RPS6KL1: variants seen among roughly 807,000 people sequenced by gnomAD.
RPS6KL1 encodes the protein ribosomal protein S6 kinase-like 1.
Under a neutral mutation model 57.0 loss-of-function variants are expected in RPS6KL1, and 41 were observed. The observed-to-expected ratio is 0.72, with a 90% CI of 0.56 to 0.93. RPS6KL1 has a LOEUF of 0.93. Among genes scored for constraint, RPS6KL1 ranks in the 40% least tolerant of loss-of-function variants. RPS6KL1 has a pLI of 0.00. For synonymous variants in RPS6KL1, 287 were observed against 309.7 expected (o/e 0.93, Z 0.77); for missense variants, 697 against 727.7 (o/e 0.96, Z 0.49).
At chr14:74,918,175 G>A (rs1887181380) in intron 5 of RPS6KL1, among the ~76,000 whole-genome samples, 1 of 151,958 alleles carries the variant, frequency 6.6e-6, no homozygotes, top group South Asian at 2.1e-4. Context: ...TCTAACTCCT[G>A]GGCTCAAGCA....
At chr14:74,916,472 C>T (rs949942693) in intron 5 of RPS6KL1, among the ~76,000 whole-genome samples, 1 of 152,186 alleles carries the variant, frequency 6.6e-6, no homozygotes, top group Non-Finnish European at 1.5e-5. Context: ...TGGAGGATCA[C>T]CTGAGGCAAG....
At position 74,921,261 on chromosome 14, in the gene RPS6KL1, CA is replaced by C; in HGVS notation, c.265+15del. The stretch of plus-strand genomic sequence containing the variant: ...CTTCCCCACCCACCCCAGCCCTGCC[CA>C]GCCCCGGTCCTCACCGTGTATGCCA... On this transcript the variant is annotated intron_variant, in intron 3 of 11. Coordinates refer to ENST00000557413, the MANE Select transcript of RPS6KL1 (RefSeq NM_031464.5). The C allele has an allele frequency of 6.6e-7, 1 of 1,517,194 alleles. No individual in the cohort carries two copies. The highest frequency in any genetic ancestry group is 9.1e-7 in the Non-Finnish European group (1 of 1,097,274). The allele number at this position is 1,517,194 out of a possible 1,614,324, so 94.0% of individuals were successfully genotyped here. A position where few individuals can be genotyped will look rare whatever the true frequency, so the allele number is the denominator to read the frequency against.
In RPS6KL1 at chr14:74,919,953, C is replaced by T. The variant is rs1322724597; in HGVS notation, c.282G>A (p.Glu94=). ...LRGIHVDPNK[E]RREAVKLKIT... ...TTTTCAGCTTCACAGCCTCACGTCG[C>T]TCCTTGTTGGGGTCAACTGTGGGAG... is the stretch of plus-strand genomic sequence containing the variant. Residue 94 remains glutamate, a synonymous_variant, in exon 4 of 12, where the codon GAG becomes GAA. Transcript: ENST00000557413. 6.2e-7 allele frequency: 1 copy of T among 1,614,204 alleles called. No homozygotes were observed. The highest frequency in any genetic ancestry group is 1.1e-5 in the South Asian group (1 of 91,092).
Position 74,908,847 on chromosome 14 carries a change from C to T in RPS6KL1, c.1443+3G>A. On this transcript the variant is annotated splice_donor_region_variant and intron_variant, in intron 10 of 11. Transcript: ENST00000557413. ...GGGCACTACACCCAGCCCAGCCACT[C>T]ACCATTCCCGTCAGCAGTTCATACA... is the stretch of plus-strand genomic sequence containing the variant. 1.2e-6 allele frequency: 2 copies of T among 1,613,990 alleles called. No individual in the cohort carries two copies. Among genetic ancestry groups the T allele is most frequent in the South Asian group, 2.2e-5 (2 of 91,076 alleles).
At chr14:74,908,511 A>G (rs932341185) in intron 10 of RPS6KL1, among the ~76,000 whole-genome samples, 1 of 152,090 alleles carries the variant, frequency 6.6e-6, no homozygotes, top group Non-Finnish European at 1.5e-5. Flanking sequence ...GGGTGGGAGG[A>G]GTGAACAGCG....
Position 74,922,300 on chromosome 14 carries a change from T to G in RPS6KL1, c.-343A>C. On this transcript the variant is annotated 5_prime_UTR_variant, in exon 2 of 12. Coordinates refer to ENST00000557413, the MANE Select transcript of RPS6KL1 (RefSeq NM_031464.5). The stretch of plus-strand genomic sequence containing the variant: ...CTCATGCTGTTCCCTCCACCCTGCC[T>G]GTTGTCTCCTCCCTGCTCCTCCTGT... The G allele has an allele frequency of 1.0e-6, 1 of 986,328 alleles. No individual in the cohort carries two copies. The highest frequency in any genetic ancestry group is 1.2e-6 in the Non-Finnish European group (1 of 830,562). The allele number at this position is 986,328 out of a possible 1,614,324, so 61.1% of individuals were successfully genotyped here. A position where few individuals can be genotyped will look rare whatever the true frequency, so the allele number is the denominator to read the frequency against.
At chr14:74,921,623 A>C in intron 2 of RPS6KL1, 62 bp from the exon 3 acceptor site, 1 of 1,515,266 alleles carries the variant, frequency 6.6e-7, no homozygotes, top group East Asian at 2.4e-5. Context: ...TCCGCACCCC[A>C]GTTTCCTCCA....
chr14:74,921,271 C>A lies in RPS6KL1; in HGVS notation c.265+6G>T. 1 of 1,253,216 alleles carries A rather than the reference C, an allele frequency of 8.0e-7. No homozygotes were observed. 77.6% of individuals were successfully genotyped at this position (1,253,216 alleles called of 1,614,324 possible). ...CACCCCAGCCCTGCCCAGCCCCGGT[C>A]CTCACCGTGTATGCCACGGAGCAGC... On this transcript the variant is annotated splice_donor_region_variant and intron_variant, in intron 3 of 11. Coordinates refer to ENST00000557413, the MANE Select transcript of RPS6KL1 (RefSeq NM_031464.5).
intron 5 of RPS6KL1, among the ~76,000 whole-genome samples, chr14:74,912,100 C>T: frequency 6.6e-6 from 1 of 152,182 alleles, no homozygotes; most frequent in East Asian, 1.9e-4. Context: ...CCCTAATCTG[C>T]CTCCAATGCT....
intron 2 of RPS6KL1, 155 bp downstream of exon 2, chr14:74,921,823 G>A: frequency 9.8e-7 from 1 of 1,025,038 alleles, no homozygotes; most frequent in Non-Finnish European, 1.3e-6. Flanking sequence ...TGTCACCCAG[G>A]CTGGATTGCA....
chr14:74,909,592 C>G lies in RPS6KL1; in HGVS notation c.1221G>C (p.Gly407=). Residue 407 remains glycine, a synonymous_variant, in exon 8 of 12, where the codon GGG becomes GGC. Coordinates refer to ENST00000557413, the MANE Select transcript of RPS6KL1 (RefSeq NM_031464.5). Reference sequence around the variant, plus strand: ...CGGGGTGGAGGTCCCGGCACAGCACCCCCTGCTCGTGCAGCGCCTCCAGCG... The same window carrying G: ...CGGGGTGGAGGTCCCGGCACAGCACGCCCTGCTCGTGCAGCGCCTCCAGCG... ...LVALEALHEQ[G]VLCRDLHPGN... 1.2e-6 allele frequency: 2 copies of G among 1,612,410 alleles called. No homozygotes were observed. The highest frequency in any genetic ancestry group is 1.7e-6 in the Non-Finnish European group (2 of 1,179,822).
intron 5 of RPS6KL1, among the ~76,000 whole-genome samples, chr14:74,917,281 A>G (rs1026892609): frequency 2.0e-5 from 3 of 152,202 alleles, no homozygotes; most frequent in African/African-American, 7.2e-5. Context: ...GAGAATTCTC[A>G]TCTCACTTTC....
At position 74,906,860 on chromosome 14, in the gene RPS6KL1, T is replaced by C; in HGVS notation, c.*154A>G. 1 of 780,584 alleles carries C rather than the reference T, an allele frequency of 1.3e-6. No homozygotes were observed. The highest frequency in any genetic ancestry group is 1.4e-5 in the South Asian group (1 of 73,642). The allele number at this position is 780,584 out of a possible 1,614,324, so 48.4% of individuals were successfully genotyped here. A position where few individuals can be genotyped will look rare whatever the true frequency, so the allele number is the denominator to read the frequency against. ...GCCCTTCCTGGGTGGTGGCCATAAT[T>C]CTGAGGCCCCAGTGGGAGCCCAGCA... On this transcript the variant is annotated 3_prime_UTR_variant, in exon 12 of 12. Coordinates refer to ENST00000557413, the MANE Select transcript of RPS6KL1 (RefSeq NM_031464.5).
intron 5 of RPS6KL1, among the ~76,000 whole-genome samples, chr14:74,915,994 C>T (rs1265634742): frequency 6.6e-6 from 1 of 152,208 alleles, no homozygotes; most frequent in African/African-American, 2.4e-5. Context: ...ATTCTGGCTG[C>T]TTGCCAAGTC....
Position 74,909,616 on chromosome 14 carries a change from C to A in RPS6KL1, c.1197G>T (p.Ala399=). 6.2e-7 allele frequency: 1 copy of A among 1,612,254 alleles called. No individual in the cohort carries two copies. The highest frequency in any genetic ancestry group is 1.1e-5 in the South Asian group (1 of 91,076). Residue 399 remains alanine, a synonymous_variant, in exon 8 of 12, where the codon GCG becomes GCT. Transcript: ENST00000557413. ...CCCCCTGCTCGTGCAGCGCCTCCAG[C>A]GCTACCAGCATCTCTGCCGCCCACT... The part of the protein sequence containing the change: ...VKQWAAEMLV[A]LEALHEQGVL...
intron 5 of RPS6KL1, among the ~76,000 whole-genome samples, chr14:74,914,029 G>A (rs561503101): frequency 4.6e-5 from 7 of 152,372 alleles, no homozygotes; most frequent in Admixed American, 4.6e-4. Context: ...AGACTTTACT[G>A]GAACTGGGGG....
intron 3 of RPS6KL1, 39 bp downstream of exon 3, chr14:74,921,238 T>TTCCCCCCCCCCCCCCCC: frequency 3.3e-5 from 28 of 840,114 alleles, no homozygotes; most frequent in East Asian, 5.3e-5. Context: ...CACTGGCCCT[T>TTCCCCCCCCCCCCCCCC]CCCCACCCAC....
Position 74,906,097 on chromosome 14 carries a change from G to T in RPS6KL1, c.*917C>A, listed in dbSNP as rs1190144858. 1 of 184,978 alleles carries T rather than the reference G, an allele frequency of 5.4e-6. No individual in the cohort carries two copies. The highest frequency in any genetic ancestry group is 1.2e-5 in the Non-Finnish European group (1 of 86,204). 11.5% of individuals were successfully genotyped at this position (184,978 alleles called of 1,614,324 possible). ...TTTTGTGGTTTCTTATCCCAAAAGG[G>T]CATGAAGTCACAGTAGGCAGTGACA... is the stretch of plus-strand genomic sequence containing the variant. On this transcript the variant is annotated 3_prime_UTR_variant, in exon 12 of 12. Coordinates refer to ENST00000557413, the MANE Select transcript of RPS6KL1 (RefSeq NM_031464.5).
At chr14:74,917,712 G>A (rs549578320) in intron 5 of RPS6KL1, among the ~76,000 whole-genome samples, 5 of 152,210 alleles carry the variant, frequency 3.3e-5, no homozygotes, top group South Asian at 2.1e-4. Flanking sequence ...CAAAGCATGC[G>A]AGATAGCATT....
Sources: allele counts gnomAD v4.1 joint callset (sites outside exome capture counted in the v4.1 genomes callset), GRCh38; gene constraint gnomAD v4.1.1; transcripts MANE v1.5; gene names NCBI Gene and HGNC (gene_info 2026-07-23, HGNC 2026-07-21).